Variants in MYO5A observed in about 807,000 individuals in gnomAD.
MYO5A encodes the protein myosin VA.
A neutral mutation model predicts 249.7 loss-of-function variants in MYO5A; 98 were observed. The ratio of observed to expected loss-of-function variants is 0.39; its 90% CI spans 0.33 to 0.46. The LOEUF (loss-of-function observed/expected upper bound fraction) is 0.46. Among genes scored for constraint, MYO5A ranks in the 20% least tolerant of loss-of-function variants. The pLI is 0.98. For synonymous variants in MYO5A, 778 were observed against 810.6 expected (o/e 0.96, Z 0.68); for missense variants, 1,696 against 2,308.8 (o/e 0.73, Z 5.44).
Position 52,330,444 on chromosome 15 carries a change from T to A in MYO5A, c.4464A>T (p.Pro1488=). Residue 1488 remains proline (P), a synonymous_variant, in exon 35 of 42, where the codon CCA becomes CCT. Coordinates refer to ENST00000399233, the MANE Select transcript of MYO5A (RefSeq NM_001382347.1). ...PGQIIDEPIR[P]VNIPRKEKDF... is the part of the protein sequence containing the mutation. ...CCTTTTCTTTCCTGGGAATGTTGAC[T>A]GGTCGGATGGGTTCATCAATGATCT... 1 of 1,614,152 alleles carries A rather than the reference T, an allele frequency of 6.2e-7. No homozygotes were observed. Among genetic ancestry groups the A allele is most frequent in the Non-Finnish European group, 8.5e-7 (1 of 1,179,992 alleles).
intron 4 of MYO5A, among the ~76,000 whole-genome samples, chr15:52,419,876 G>A (rs999527632): frequency 3.4e-4 from 51 of 152,138 alleles, no homozygotes; most frequent in Admixed American, 3.3e-3. Context: ...TTTTATTCCT[G>A]CTGCAACCTT....
chr15:52,487,009 ACT>A lies in MYO5A; in HGVS notation c.27+41769_27+41770del, dbSNP rs1311367537. On this transcript the variant is annotated intron_variant, in intron 1 of 41. Coordinates refer to ENST00000399233, the MANE Select transcript of MYO5A (RefSeq NM_001382347.1). ...TGCTTCTTAAATATCTTTTTAGAAGACTCTGTGATACAAGTTTTACGTTGATA... is the reference window on the plus strand; with the variant it reads ...TGCTTCTTAAATATCTTTTTAGAAGACTGTGATACAAGTTTTACGTTGATA... Among the ~76,000 whole-genome samples the A allele has an allele frequency of 2.6e-5, 4 of 152,172 alleles. No homozygotes were observed. In the East Asian group the frequency reaches 5.8e-4, roughly 22 times the overall value.
intron 1 of MYO5A, among the ~76,000 whole-genome samples, chr15:52,438,943 G>C (rs2075726720): frequency 6.6e-6 from 1 of 152,230 alleles, no homozygotes; most frequent in South Asian, 2.1e-4. Context: ...CTGTACTCCT[G>C]ATCCAGCTAG....
intron 1 of MYO5A, among the ~76,000 whole-genome samples, chr15:52,528,388 G>A (rs921035172): frequency 1.3e-5 from 2 of 152,200 alleles, no homozygotes; most frequent in Admixed American, 6.5e-5. Context: ...GTGTCCCCAC[G>A]AGAGAACCCA....
rs2140892729 is a variant in MYO5A at position 52,308,339 on chromosome 15, G to A, written c.*5357C>T. 1 of 152,216 alleles carries A rather than the reference G, an allele frequency of 6.6e-6. No individual in the cohort carries two copies. Among genetic ancestry groups the A allele is most frequent in the East Asian group, 1.9e-4 (1 of 5,188 alleles). 9.4% of individuals were successfully genotyped at this position (152,216 alleles called of 1,614,324 possible). A position where few individuals can be genotyped will look rare whatever the true frequency, so the allele number is the denominator to read the frequency against. Reference sequence around the variant, plus strand: ...TTCAGGTTGGTTTATCTAATTTAGGGTAATACAACAGATTTGAACTTATAG... The same window carrying A: ...TTCAGGTTGGTTTATCTAATTTAGGATAATACAACAGATTTGAACTTATAG... On this transcript the variant is annotated 3_prime_UTR_variant, in exon 42 of 42. Coordinates refer to ENST00000399233, the MANE Select transcript of MYO5A (RefSeq NM_001382347.1).
At chr15:52,446,781 G>C (rs965157352) in intron 1 of MYO5A, among the ~76,000 whole-genome samples, 1 of 152,212 alleles carries the variant, frequency 6.6e-6, no homozygotes, top group African/African-American at 2.4e-5. Context: ...GGGACGTGTA[G>C]TCAAACAGGA....
intron 4 of MYO5A, among the ~76,000 whole-genome samples, chr15:52,424,041 C>A (rs1190016297): frequency 1.3e-5 from 2 of 152,176 alleles, no homozygotes; most frequent in Non-Finnish European, 2.9e-5. Context: ...GATTTTTTCT[C>A]TGCCCAGTAG....
chr15:52,322,060 T>C (rs1221672675), intron 37 of MYO5A, among the ~76,000 whole-genome samples: 1 of 152,204 alleles, frequency 6.6e-6, no homozygotes. Context: ...TTTGGTGGTA[T>C]CTGTTAAAAT....
At chr15:52,349,232 C>T (rs1382481555) in intron 28 of MYO5A, among the ~76,000 whole-genome samples, 2 of 152,186 alleles carry the variant, frequency 1.3e-5, no homozygotes, top group Non-Finnish European at 2.9e-5. Flanking sequence ...CCAGAATACT[C>T]TAGAGGTGGA....
In MYO5A at chr15:52,327,756, G is replaced by A. The variant is rs1192366024; in HGVS notation, c.4710+96C>T. ...AAAAATTGGAAAGTTTTAATAACAAGCAACTTAGCTAAACTCTAAGGAAGG... is the reference window on the plus strand; with the variant it reads ...AAAAATTGGAAAGTTTTAATAACAAACAACTTAGCTAAACTCTAAGGAAGG... On this transcript the variant is annotated intron_variant, in intron 36 of 41. Coordinates refer to ENST00000399233, the MANE Select transcript of MYO5A (RefSeq NM_001382347.1). The A allele has an allele frequency of 4.7e-6, 6 of 1,286,030 alleles. No homozygotes were observed. The East Asian group carries it at 1.2e-4, about 25-fold the overall frequency. 79.7% of individuals were successfully genotyped at this position (1,286,030 alleles called of 1,614,324 possible).
intron 1 of MYO5A, among the ~76,000 whole-genome samples, chr15:52,507,464 T>G (rs2077296279): frequency 6.6e-6 from 1 of 152,094 alleles, no homozygotes. Context: ...CTAACTAGAA[T>G]GAAGGGAAAA....
intron 2 of MYO5A, among the ~76,000 whole-genome samples, chr15:52,430,628 C>A (rs1036102140): frequency 1.8e-4 from 28 of 152,132 alleles, no homozygotes; most frequent in Admixed American, 1.8e-3. Context: ...TCTTGTTTGA[C>A]CCCTGTCCCT....
At chr15:52,354,110 C>G in intron 25 of MYO5A, 96 bp from the exon 26 acceptor site, 1 of 1,407,418 alleles carries the variant, frequency 7.1e-7, no homozygotes, top group Non-Finnish European at 9.9e-7. Flanking sequence ...AATAGGCAAA[C>G]TTACAGAATA....
At position 52,407,386 on chromosome 15, in the gene MYO5A, G is replaced by A. The variant is rs370600193; in HGVS notation, c.852C>T (p.Asn284=). 4 of 1,612,772 alleles carry A rather than the reference G, an allele frequency of 2.5e-6. No individual in the cohort carries two copies. The highest frequency in any genetic ancestry group is 3.4e-6 in the Non-Finnish European group (4 of 1,178,994). ...FKMLRLGNAD[N]FNYTKQGGSP... ...TGCCTCCTTGTTTTGTGTAATTAAA[G>A]TTATCTGCATTTCCTGTAATGAAGA... Residue 284 remains asparagine, a synonymous_variant, in exon 8 of 42, where the codon AAC becomes AAT. Transcript: ENST00000399233.
intron 4 of MYO5A, among the ~76,000 whole-genome samples, chr15:52,424,192 A>G (rs2075347076): frequency 6.6e-6 from 1 of 152,268 alleles, no homozygotes; most frequent in South Asian, 2.1e-4. Context: ...AGCTTAAAAA[A>G]TAACTTTTCT....
intron 6 of MYO5A, 41 bp from the exon 7 acceptor site, chr15:52,408,181 T>A: frequency 8.6e-7 from 1 of 1,158,360 alleles, no homozygotes; most frequent in Non-Finnish European, 1.3e-6. Context: ...CATTTTAATC[T>A]AAAATTCAGG....
chr15:52,400,035 A>C (rs1226814262), intron 9 of MYO5A, among the ~76,000 whole-genome samples: 7 of 152,118 alleles, frequency 4.6e-5, no homozygotes, highest in Non-Finnish European at 8.8e-5. Context: ...GAATTTTTTT[A>C]ACCAGTCTAA....
chr15:52,424,246 T>C (rs1018927666), intron 4 of MYO5A, among the ~76,000 whole-genome samples: 20 of 152,250 alleles, frequency 1.3e-4, no homozygotes, highest in Admixed American at 2.6e-4. Context: ...GAAGCTGGCA[T>C]AATATGACAT....
chr15:52,434,691 C>T (rs576405015), intron 1 of MYO5A, among the ~76,000 whole-genome samples: 1 of 152,306 alleles, frequency 6.6e-6, no homozygotes, highest in African/African-American at 2.4e-5. Context: ...CTTTCGAATA[C>T]CACATTGAAG....
Sources: allele counts gnomAD v4.1 joint callset (sites outside exome capture counted in the v4.1 genomes callset), GRCh38; gene constraint gnomAD v4.1.1; transcripts MANE v1.5; gene names NCBI Gene and HGNC (gene_info 2026-07-23, HGNC 2026-07-21).